Variants in CCR2 observed in about 807,000 individuals in gnomAD.
CCR2 encodes the protein C-C chemokine receptor type 2.
For synonymous variants in CCR2, 183 were observed against 177.1 expected (o/e 1.03, Z -0.27); for missense variants, 408 against 440.0 (o/e 0.93, Z 0.65).
chr3:46,359,338 C>T lies in CCR2; in HGVS notation c.*728C>T. ...GTTCAGATGCTTCTTAGGCCACATC[C>T]CCCTGTCTAAAAATTCAGAAAATTT... On this transcript the variant is annotated 3_prime_UTR_variant, in exon 2 of 2. Transcript: ENST00000445132. 1.1e-5 allele frequency: 11 copies of T among 1,036,938 alleles called. No individual in the cohort carries two copies. Among genetic ancestry groups the T allele is most frequent in the Non-Finnish European group, 1.3e-5 (11 of 855,792 alleles). 64.2% of individuals were successfully genotyped at this position (1,036,938 alleles called of 1,614,324 possible). A position where few individuals can be genotyped will look rare whatever the true frequency, so the allele number is the denominator to read the frequency against.
chr3:46,358,582 G>A lies in CCR2; in HGVS notation c.1055G>A (p.Gly352Glu). Residue 352 changes from glycine (G) to glutamate (E), a missense_variant, in exon 2 of 2, where the codon GGG becomes GAG. Transcript: ENST00000445132. ...ACTTCAACAAACACGCCTTCCACTG[G>A]GGAGCAGGAAGTCTCGGCTGGTTTA... ...GVTSTNTPST[G>E]EQEVSAGL The A allele has an allele frequency of 1.3e-6, 2 of 1,595,880 alleles. No homozygotes were observed. The highest frequency in any genetic ancestry group is 1.3e-5 in the African/African-American group (1 of 74,780).
rs778526213 is a variant in CCR2, at chr3:46,358,477, C to T, written c.950C>T (p.Ser317Leu). The change falls in exon 2 of 2, where the codon TCG becomes TTG. Residue 317 changes from serine to leucine, a missense_variant. Coordinates refer to ENST00000445132, the MANE Select transcript of CCR2 (RefSeq NM_001123396.4). ...GGGGAGAAGTTCAGAAGGTATCTCT[C>T]GGTGTTCTTCCGAAAGCACATCACC... ...FVGEKFRRYL[S>L]VFFRKHITKR... is the part of the protein sequence containing the mutation. 12 of 1,613,474 alleles carry T rather than the reference C, an allele frequency of 7.4e-6. No individual in the cohort carries two copies. Among genetic ancestry groups the T allele is most frequent in the South Asian group, 3.3e-5 (3 of 91,060 alleles).
At chr3:46,356,326 G>A (rs1285492519) in intron 1 of CCR2, among the ~76,000 whole-genome samples, 3 of 152,166 alleles carry the variant, frequency 2.0e-5, no homozygotes, top group Non-Finnish European at 2.9e-5. Context: ...AAAGAGGTGA[G>A]AGCTAAGTGT....
Position 46,360,034 on chromosome 3 carries a change from G to A in CCR2, c.*1424G>A. 1 of 592,984 alleles carries A rather than the reference G, an allele frequency of 1.7e-6. No individual in the cohort carries two copies. 36.7% of individuals were successfully genotyped at this position (592,984 alleles called of 1,614,324 possible). A position where few individuals can be genotyped will look rare whatever the true frequency, so the allele number is the denominator to read the frequency against. Reference sequence around the variant, plus strand: ...AACTACCTTCCAGTTCCTCATTTTTGAATACAGGCATAGAGTTCAGACTTT... The same window carrying A: ...AACTACCTTCCAGTTCCTCATTTTTAAATACAGGCATAGAGTTCAGACTTT... On this transcript the variant is annotated 3_prime_UTR_variant, in exon 2 of 2. Transcript: ENST00000445132.
chr3:46,358,254 A>G lies in CCR2; in HGVS notation c.727A>G (p.Arg243Gly). The G allele has an allele frequency of 1.2e-6, 2 of 1,614,218 alleles. No homozygotes were observed. Among genetic ancestry groups the G allele is most frequent in the Non-Finnish European group, 1.7e-6 (2 of 1,180,030 alleles). The change falls in exon 2 of 2, where the codon AGA (arginine) becomes GGA (glycine). Residue 243 changes from arginine (R) to glycine (G), a missense_variant. Arg to Gly is a moderately radical substitution (Grantham distance 125). Transcript: ENST00000445132. ...RNEKKRHRAV[R>G]VIFTIMIVYF... Reference sequence around the variant, plus strand: ...CGAGAAGAAGAGGCATAGGGCAGTGAGAGTCATCTTCACCATCATGATTGT... The same window carrying G: ...CGAGAAGAAGAGGCATAGGGCAGTGGGAGTCATCTTCACCATCATGATTGT...
At chr3:46,357,330 C>A in intron 1 of CCR2, 147 bp from the exon 2 acceptor site, 1 of 604,068 alleles carries the variant, frequency 1.7e-6, no homozygotes, top group Non-Finnish European at 2.9e-6. Flanking sequence ...AAAGGCAAAT[C>A]AGGAACTGGC....
chr3:46,356,576 A>G (rs1224802812), intron 1 of CCR2, among the ~76,000 whole-genome samples: 1 of 152,202 alleles, frequency 6.6e-6, no homozygotes, highest in East Asian at 1.9e-4. Flanking sequence ...TGGAGGCAGA[A>G]AGCTGAGAGA....
chr3:46,358,165 T>G lies in CCR2; in HGVS notation c.638T>G (p.Leu213Arg). 1 of 1,614,236 alleles carries G rather than the reference T, an allele frequency of 6.2e-7. No homozygotes were observed. Among genetic ancestry groups the G allele is most frequent in the Non-Finnish European group, 8.5e-7 (1 of 1,180,034 alleles). Residue 213 changes from leucine (L) to arginine (R), a missense_variant, in exon 2 of 2, where the codon CTG becomes CGG. Leu to Arg is a moderately radical substitution (Grantham distance 102). Coordinates refer to ENST00000445132, the MANE Select transcript of CCR2 (RefSeq NM_001123396.4). ...ATGAGGAACATTTTGGGGCTGGTCC[T>G]GCCGCTGCTCATCATGGTCATCTGC... ...TIMRNILGLV[L>R]PLLIMVICYS...
chr3:46,357,489 G>A lies in CCR2; in HGVS notation c.-39G>A. On this transcript the variant is annotated 5_prime_UTR_variant, in exon 2 of 2. Transcript: ENST00000445132. ...TCTTTGTTTACAGAACAGAGAAAGT[G>A]GATTGAACAAGGACGCATTTCCCCA... The A allele has an allele frequency of 1.3e-6, 2 of 1,595,118 alleles. No individual in the cohort carries two copies. The highest frequency in any genetic ancestry group is 1.7e-6 in the Non-Finnish European group (2 of 1,168,194).
rs374682253 is a variant in CCR2, at chr3:46,359,778, A to G, written c.*1168A>G. The stretch of plus-strand genomic sequence containing the variant: ...GGAAAGAATGTGAAAGTGACTACAC[A>G]AGGACTCCTCGATGGTCGTGGAAAA... On this transcript the variant is annotated 3_prime_UTR_variant, in exon 2 of 2. Transcript: ENST00000445132. 6.8e-6 allele frequency: 11 copies of G among 1,614,164 alleles called. No homozygotes were observed. The highest frequency in any genetic ancestry group is 9.3e-6 in the Non-Finnish European group (11 of 1,179,998).
intron 1 of CCR2, among the ~76,000 whole-genome samples, chr3:46,354,486 C>T (rs1043205960): frequency 9.9e-5 from 15 of 152,138 alleles, no homozygotes; most frequent in South Asian, 2.1e-4. Context: ...CACCCAAGGA[C>T]GTTAAAGAGC....
rs1389211449 is a variant in CCR2 at position 46,358,542 on chromosome 3, A to G, written c.1015A>G (p.Thr339Ala). Residue 339 changes from threonine to alanine, a missense_variant, in exon 2 of 2, where the codon ACA (threonine) becomes GCA (alanine). Physicochemically the swap from Thr to Ala is moderately conservative, Grantham distance 58. Transcript: ENST00000445132. ...CKQCPVFYRETVDGVTSTNTP... is the reference protein window; with the variant it reads ...CKQCPVFYREAVDGVTSTNTP... Reference sequence around the variant, plus strand: ...ACAATGTCCAGTTTTCTACAGGGAGACAGTGGATGGAGTGACTTCAACAAA... The same window carrying G: ...ACAATGTCCAGTTTTCTACAGGGAGGCAGTGGATGGAGTGACTTCAACAAA... 12 of 1,611,666 alleles carry G rather than the reference A, an allele frequency of 7.4e-6. No individual in the cohort carries two copies. In the Middle Eastern group the frequency reaches 8.3e-4, roughly 111 times the overall value.
chr3:46,355,536 G>T (rs1287786523), intron 1 of CCR2, among the ~76,000 whole-genome samples: 1 of 152,158 alleles, frequency 6.6e-6, no homozygotes, highest in African/African-American at 2.4e-5. Flanking sequence ...GCTACTGGAG[G>T]TTTTAAGCTA....
chr3:46,357,262 A>G lies in CCR2; in HGVS notation c.-51-215A>G, dbSNP rs986268815. Among the ~76,000 whole-genome samples, 6 of 152,240 alleles carry G rather than the reference A, an allele frequency of 3.9e-5. No individual in the cohort carries two copies. In the East Asian group the frequency reaches 1.2e-3, roughly 29 times the overall value. On this transcript the variant is annotated intron_variant, in intron 1 of 1. Coordinates refer to ENST00000445132, the MANE Select transcript of CCR2 (RefSeq NM_001123396.4). ...ATGAGAATCTGGTTTGCTGGGGAAG[A>G]TAAAGGGTGTCGGAAAATGGCTGTT... is the stretch of plus-strand genomic sequence containing the variant.
chr3:46,358,693 T>C lies in CCR2; in HGVS notation c.*83T>C, dbSNP rs2106722740. The C allele has an allele frequency of 2.7e-6, 4 of 1,483,136 alleles. No homozygotes were observed. The highest frequency in any genetic ancestry group is 2.7e-6 in the Non-Finnish European group (3 of 1,115,590). 91.9% of individuals were successfully genotyped at this position (1,483,136 alleles called of 1,614,324 possible). ...CAAACTTCAAGGGTTTGTTGAACAA[T>C]AGAAACCTGTAAAGCAGGTGCCCAG... On this transcript the variant is annotated 3_prime_UTR_variant, in exon 2 of 2. Transcript: ENST00000445132.
Position 46,357,819 on chromosome 3 carries a change from T to A in CCR2, c.292T>A (p.Trp98Arg). Residue 98 changes from tryptophan to arginine, a missense_variant, in exon 2 of 2, where the codon TGG (tryptophan) becomes AGG (arginine). Coordinates refer to ENST00000445132, the MANE Select transcript of CCR2 (RefSeq NM_001123396.4). The part of the protein sequence containing the change: ...DLLFLITLPL[W>R]AHSAANEWVF... ...GCTTTTTCTTATTACTCTCCCATTGTGGGCTCACTCTGCTGCAAATGAGTG... is the reference window on the plus strand; with the variant it reads ...GCTTTTTCTTATTACTCTCCCATTGAGGGCTCACTCTGCTGCAAATGAGTG... 1 of 1,614,234 alleles carries A rather than the reference T, an allele frequency of 6.2e-7. No homozygotes were observed. The highest frequency in any genetic ancestry group is 8.5e-7 in the Non-Finnish European group (1 of 1,180,034).
At position 46,357,770 on chromosome 3, in the gene CCR2, G is replaced by A; in HGVS notation, c.243G>A (p.Leu81=). 1 of 1,614,152 alleles carries A rather than the reference G, an allele frequency of 6.2e-7. No homozygotes were observed. The highest frequency in any genetic ancestry group is 8.5e-7 in the Non-Finnish European group (1 of 1,180,028). ...KKLKCLTDIY[L]LNLAISDLLF... ...TGAAGTGCTTGACTGACATTTACCTGCTCAACCTGGCCATCTCTGATCTGC... is the reference window on the plus strand; with the variant it reads ...TGAAGTGCTTGACTGACATTTACCTACTCAACCTGGCCATCTCTGATCTGC... Residue 81 remains leucine, a synonymous_variant, in exon 2 of 2, where the codon CTG becomes CTA. Coordinates refer to ENST00000445132, the MANE Select transcript of CCR2 (RefSeq NM_001123396.4).
At position 46,359,006 on chromosome 3, in the gene CCR2, T is replaced by A; in HGVS notation, c.*396T>A. On this transcript the variant is annotated 3_prime_UTR_variant, in exon 2 of 2. Coordinates refer to ENST00000445132, the MANE Select transcript of CCR2 (RefSeq NM_001123396.4). ...TGAATGGGAGTGAGGGATAGTGGGG[T>A]CAGGGCTGAGAGGAGAAGGAGGGAG... 1 of 1,041,996 alleles carries A rather than the reference T, an allele frequency of 9.6e-7. No homozygotes were observed. Among genetic ancestry groups the A allele is most frequent in the South Asian group, 3.7e-5 (1 of 26,718 alleles). The allele number at this position is 1,041,996 out of a possible 1,614,324, so 64.5% of individuals were successfully genotyped here.
In CCR2 at chr3:46,357,707, C is replaced by A. The variant is rs1466859213; in HGVS notation, c.180C>A (p.Asn60Lys). The change falls in exon 2 of 2, where the codon AAC becomes AAA. Residue 60 changes from asparagine (N) to lysine (K), a missense_variant. Asn to Lys is a moderately conservative substitution (Grantham distance 94). Coordinates refer to ENST00000445132, the MANE Select transcript of CCR2 (RefSeq NM_001123396.4). Reference protein sequence around the residue: ...SLVFIFGFVGNMLVVLILINC... With the variant: ...SLVFIFGFVGKMLVVLILINC... ...TGTTCATCTTTGGTTTTGTGGGCAA[C>A]ATGCTGGTCGTCCTCATCTTAATAA... 1 of 1,614,134 alleles carries A rather than the reference C, an allele frequency of 6.2e-7. No homozygotes were observed. Among genetic ancestry groups the A allele is most frequent in the Admixed American group, 1.7e-5 (1 of 60,024 alleles).
Sources: gnomAD v4.1 joint callset for allele counts (sites outside exome capture counted in the v4.1 genomes callset) on GRCh38, gnomAD v4.1.1 for gene constraint, MANE v1.5 for transcripts, NCBI Gene and HGNC (gene_info 2026-07-23, HGNC 2026-07-21) for gene names.